The following SNRK variants were observed in gnomAD, a reference collection of about 807,000 sequenced individuals.
SNRK encodes the protein SNF-related serine/threonine-protein kinase.
SNRK carries 3 observed loss-of-function variants against 48.2 expected under a neutral mutation model. The observed-to-expected ratio is 0.06, with a 90% CI of 0.03 to 0.16. SNRK has a LOEUF of 0.16. Ranked by LOEUF, SNRK falls within the 10% of genes least tolerant of loss-of-function variation. SNRK has a pLI of 1.00. For synonymous variants in SNRK, 376 were observed against 366.1 expected (o/e 1.03, Z -0.31); for missense variants, 627 against 976.0 (o/e 0.64, Z 4.76).
At chr3:43,324,891 T>C (rs2091083255) in intron 3 of SNRK, among the ~76,000 whole-genome samples, 1 of 152,234 alleles carries the variant, frequency 6.6e-6, no homozygotes, top group Non-Finnish European at 1.5e-5. Context: ...TTCTCTTTAC[T>C]CTCAAATGAG....
Position 43,347,494 on chromosome 3 carries a change from A to G in SNRK, c.1235A>G (p.Lys412Arg). Residue 412 changes from lysine to arginine, a missense_variant, in exon 7 of 7, where the codon AAG (lysine) becomes AGG (arginine). Physicochemically the swap from Lys to Arg is conservative, Grantham distance 26 (BLOSUM62 2). Around this residue, in one of 4 missense-constraint regions of SNRK, gnomAD observed 175 missense variants for 209.7 expected, o/e 0.83. Coordinates refer to ENST00000296088, the MANE Select transcript of SNRK (RefSeq NM_017719.5). The surrounding 1 kb of genome is among the most constrained non-coding windows in gnomAD (Gnocchi z 5.4). ...HRSKGLCDSAKKDDLPELAGP... is the reference protein window; with the variant it reads ...HRSKGLCDSARKDDLPELAGP... ...AGCAAAGGCCTGTGTGACTCAGCTA[A>G]GAAAGATGACCTCCCTGAGTTGGCT... 1 of 1,613,872 alleles carries G rather than the reference A, an allele frequency of 6.2e-7. No homozygotes were observed. The highest frequency in any genetic ancestry group is 8.5e-7 in the Non-Finnish European group (1 of 1,179,904).
At chr3:43,338,584 A>G (rs2091208655) in intron 4 of SNRK, among the ~76,000 whole-genome samples, 1 of 152,172 alleles carries the variant, frequency 6.6e-6, no homozygotes, top group African/African-American at 2.4e-5. Context: ...ATTTTGGAAA[A>G]TTCTCAGCCA....
At position 43,347,326 on chromosome 3, in the gene SNRK, A is replaced by C; in HGVS notation, c.1080-13A>C. 1.3e-6 allele frequency: 2 copies of C among 1,536,630 alleles called. No individual in the cohort carries two copies. Among genetic ancestry groups the C allele is most frequent in the Non-Finnish European group, 1.7e-6 (2 of 1,143,050 alleles). On this transcript the variant is annotated splice_polypyrimidine_tract_variant and intron_variant, in intron 6 of 6. Coordinates refer to ENST00000296088, the MANE Select transcript of SNRK (RefSeq NM_017719.5). The surrounding 1 kb of genome is among the most constrained non-coding windows in gnomAD (Gnocchi z 5.4). The stretch of plus-strand genomic sequence containing the variant: ...TATATGGCTTTTTTCCCCCCAATCT[A>C]TCTGTTACATAGGCAGTCATGGCCA...
intron 1 of SNRK, among the ~76,000 whole-genome samples, chr3:43,296,084 T>A (rs977229686): frequency 3.3e-5 from 5 of 152,108 alleles, no homozygotes; most frequent in Admixed American, 2.6e-4. Context: ...GGTGACTGCA[T>A]GATAGGGTTG....
intron 3 of SNRK, among the ~76,000 whole-genome samples, chr3:43,316,453 A>G (rs116115566): frequency 9.3e-4 from 142 of 152,282 alleles, no homozygotes; most frequent in Middle Eastern, 3.4e-3. Context: ...TATAATATGC[A>G]TCCAGCCTTG....
At chr3:43,306,446 T>C (rs1230627708) in intron 3 of SNRK, among the ~76,000 whole-genome samples, 1 of 152,180 alleles carries the variant, frequency 6.6e-6, no homozygotes, top group Non-Finnish European at 1.5e-5. Flanking sequence ...GAGACTTAGC[T>C]GAGGAATTGT....
Position 43,347,574 on chromosome 3 carries a change from C to T in SNRK, c.1315C>T (p.Arg439Trp), listed in dbSNP as rs754276393. ...AAGCTTAAAACCCACAGCCAGTGGGCGGAAGTGTCTGTTCAGGGTGGAAGA... is the reference window on the plus strand; with the variant it reads ...AAGCTTAAAACCCACAGCCAGTGGGTGGAAGTGTCTGTTCAGGGTGGAAGA... Reference protein sequence around the residue: ...PASLKPTASGRKCLFRVEEDE... With the variant: ...PASLKPTASGWKCLFRVEEDE... Residue 439 changes from arginine to tryptophan, a missense_variant, in exon 7 of 7, where the codon CGG becomes TGG. By Grantham distance (101) the Arg-to-Trp change is moderately radical. This residue lies in a region of SNRK where 175 missense variants were observed against 209.7 expected (regional missense o/e 0.83). Coordinates refer to ENST00000296088, the MANE Select transcript of SNRK (RefSeq NM_017719.5). The surrounding 1 kb of genome is among the most constrained non-coding windows in gnomAD (Gnocchi z 5.4). 9.3e-6 allele frequency: 15 copies of T among 1,613,826 alleles called. No individual in the cohort carries two copies. The highest frequency in any genetic ancestry group is 8.0e-5 in the African/African-American group (6 of 74,888).
At chr3:43,289,612 T>C (rs1481727911) in intron 1 of SNRK, 1 of 152,772 alleles carries the variant, frequency 6.5e-6, no homozygotes, top group Non-Finnish European at 1.5e-5. Context: ...TTTCTGCACA[T>C]CTGCTTTGGG....
At chr3:43,329,463 A>C (rs1348664445) in intron 3 of SNRK, among the ~76,000 whole-genome samples, 1 of 152,160 alleles carries the variant, frequency 6.6e-6, no homozygotes, top group African/African-American at 2.4e-5. Context: ...CTGGGAAATA[A>C]ATATATGGAA....
In SNRK at chr3:43,350,171, G is replaced by A. The variant is rs1307821835; in HGVS notation, c.*1614G>A. On this transcript the variant is annotated 3_prime_UTR_variant, in exon 7 of 7. Transcript: ENST00000296088. ...TTTACTTTCTAGACCTAGGCTAGAT[G>A]TTTTAAGCTACAGCTCTAGTTCATT... The A allele has an allele frequency of 1.3e-5, 2 of 152,652 alleles. No homozygotes were observed. The highest frequency in any genetic ancestry group is 2.9e-5 in the Non-Finnish European group (2 of 68,034). The allele number at this position is 152,652 out of a possible 1,614,324, so 9.5% of individuals were successfully genotyped here.
chr3:43,343,096 T>G (rs2125647383), intron 5 of SNRK: 4 of 387,742 alleles, frequency 1.0e-5, no homozygotes, highest in Admixed American at 4.4e-5. Context: ...GCTGTTGGCA[T>G]TTTGGATTTT....
intron 3 of SNRK, among the ~76,000 whole-genome samples, chr3:43,314,042 A>G (rs558888478): frequency 2.6e-5 from 4 of 152,236 alleles, no homozygotes; most frequent in Non-Finnish European, 5.9e-5. Context: ...ATGCATTCTA[A>G]CAAATATCAG....
intron 3 of SNRK, among the ~76,000 whole-genome samples, chr3:43,322,845 A>T (rs1188966208): frequency 6.7e-6 from 1 of 149,856 alleles, no homozygotes; most frequent in East Asian, 2.0e-4. Context: ...CCAGCTACTC[A>T]GGAGGCTGAG....
chr3:43,341,416 G>T (rs538569266), intron 5 of SNRK, among the ~76,000 whole-genome samples: 1 of 152,290 alleles, frequency 6.6e-6, no homozygotes, highest in African/African-American at 2.4e-5. Flanking sequence ...CTCCCAAAGT[G>T]CTGGGATTAC....
At chr3:43,345,470 G>C (rs1397103650) in intron 6 of SNRK, among the ~76,000 whole-genome samples, 1 of 152,194 alleles carries the variant, frequency 6.6e-6, no homozygotes. Context: ...CCAGTGGGTA[G>C]TCTGGAAGAA....
intron 1 of SNRK, among the ~76,000 whole-genome samples, chr3:43,293,068 T>C (rs865973096): frequency 6.6e-6 from 1 of 152,342 alleles, no homozygotes; most frequent in Middle Eastern, 3.4e-3. Context: ...GTTTCTGTTA[T>C]TCAGACTGAA....
In SNRK at chr3:43,320,402, G is replaced by GT. The variant is rs2091044651; in HGVS notation, c.590-11764dup. On this transcript the variant is annotated intron_variant, in intron 3 of 6. Transcript: ENST00000296088. Reference sequence around the variant, plus strand: ...CTGACATTTGGAGGCCCTTGTTAGGGTTTAAGAGAAACAACATGGATTGGG... The same window carrying GT: ...CTGACATTTGGAGGCCCTTGTTAGGGTTTTAAGAGAAACAACATGGATTGGG... 2.0e-5 allele frequency among the ~76,000 whole-genome samples: 3 copies of GT among 152,306 alleles called. No homozygotes were observed. The South Asian group carries it at 6.2e-4, about 32-fold the overall frequency.
intron 5 of SNRK, among the ~76,000 whole-genome samples, chr3:43,342,474 C>G (rs1043421180): frequency 6.6e-6 from 1 of 152,212 alleles, no homozygotes; most frequent in African/African-American, 2.4e-5. Context: ...AATCTCATGC[C>G]TCAGCCTGCC....
At chr3:43,315,418 C>T (rs1247740382) in intron 3 of SNRK, among the ~76,000 whole-genome samples, 1 of 152,156 alleles carries the variant, frequency 6.6e-6, no homozygotes, top group Non-Finnish European at 1.5e-5. Flanking sequence ...TTATTAGAAA[C>T]AAATGTTTTA....
Sources: allele counts gnomAD v4.1 joint callset (sites outside exome capture counted in the v4.1 genomes callset), GRCh38; gene constraint gnomAD v4.1.1; regional missense constraint gnomAD v4.1.1; non-coding constraint Gnocchi (gnomAD v3.1); transcripts MANE v1.5; gene names NCBI Gene and HGNC (gene_info 2026-07-23, HGNC 2026-07-21).